CRY1: variants seen among roughly 807,000 people sequenced by gnomAD.
CRY1 encodes the protein cryptochrome-1.
In CRY1, 45 loss-of-function variants were observed where a neutral mutation model predicts 76.0. The ratio of observed to expected loss-of-function variants is 0.59; its 90% CI spans 0.47 to 0.76. CRY1 has a LOEUF of 0.76. Among genes scored for constraint, CRY1 ranks in the 30% least tolerant of loss-of-function variants. CRY1 has a pLI of 0.00. For synonymous variants in CRY1, 248 were observed against 244.0 expected, an observed-to-expected ratio of 1.02 and a Z score of -0.15; for missense variants, 587 against 716.4, an observed-to-expected ratio of 0.82 and a Z score of 2.06.
chr12:106,993,247 A>C (rs3741890), intron 10 of CRY1, among the ~76,000 whole-genome samples: 83,211 of 151,618 alleles, frequency 0.55, 23,167 homozygotes, highest in East Asian at 0.73. Context: ...AGCTCAAAGG[A>C]AAAATCATTG....
Position 107,037,403 on chromosome 12 carries a change from G to A in CRY1, c.159-15211C>T, listed in dbSNP as rs373819878. 6.8e-4 allele frequency among the ~76,000 whole-genome samples: 103 copies of A among 152,104 alleles called. 1 individual carries two copies. Among genetic ancestry groups the A allele is most frequent in the African/African-American group, 2.4e-3 (98 of 41,508 alleles). On this transcript the variant is annotated intron_variant, in intron 1 of 12. Transcript: ENST00000008527. ...AAAAATTAGCCAGGCGTGGTGGTGC[G>A]CGCCTATAATCCCAACTACTCGGGA...
intron 1 of CRY1, among the ~76,000 whole-genome samples, chr12:107,076,080 G>A (rs777959717): frequency 1.1e-4 from 17 of 151,720 alleles, no homozygotes; most frequent in Admixed American, 3.3e-4. Context: ...CAAGATAGAG[G>A]CCAGTGCAGG....
chr12:107,010,212 C>A (rs1380437781), intron 2 of CRY1, among the ~76,000 whole-genome samples: 1 of 152,076 alleles, frequency 6.6e-6, no homozygotes, highest in Non-Finnish European at 1.5e-5. Context: ...TCTGGAGAAT[C>A]TCTAGTGATG....
chr12:107,046,918 T>G (rs565369340), intron 1 of CRY1, among the ~76,000 whole-genome samples: 13 of 152,298 alleles, frequency 8.5e-5, no homozygotes, highest in African/African-American at 3.1e-4. Flanking sequence ...TAGATTCCAT[T>G]ACAATAATAG....
At chr12:107,054,689 C>T (rs1019303862) in intron 1 of CRY1, among the ~76,000 whole-genome samples, 2 of 141,600 alleles carry the variant, frequency 1.4e-5, no homozygotes, top group Admixed American at 7.0e-5. Flanking sequence ...TGACTATAAA[C>T]ATACCAAAGA....
intron 2 of CRY1, among the ~76,000 whole-genome samples, chr12:107,015,551 T>C (rs1952490175): frequency 6.6e-6 from 1 of 152,182 alleles, no homozygotes; most frequent in Non-Finnish European, 1.5e-5. Flanking sequence ...CAGCATGTTG[T>C]CCAGGCTTAT....
intron 1 of CRY1, among the ~76,000 whole-genome samples, chr12:107,038,653 C>T (rs190701042): frequency 2.8e-4 from 42 of 152,262 alleles, no homozygotes; most frequent in Non-Finnish European, 3.7e-4. Context: ...GAAATAAGAA[C>T]GATGTCAGTG....
chr12:107,069,619 A>ATATATATAAAG (rs1565842778), intron 1 of CRY1, among the ~76,000 whole-genome samples: 13 of 88,256 alleles, frequency 1.5e-4, no homozygotes, highest in African/African-American at 8.3e-4. Flanking sequence ...TATAAAAAGT[A>ATATATATAAAG]TATATATATA....
intron 1 of CRY1, among the ~76,000 whole-genome samples, chr12:107,061,424 G>C (rs1398888400): frequency 6.6e-6 from 1 of 151,162 alleles, no homozygotes; most frequent in Non-Finnish European, 1.5e-5. Context: ...CCAGGCTAGA[G>C]TACAGAGTTC....
At position 107,042,467 on chromosome 12, in the gene CRY1, T is replaced by TA. The variant is rs533812717; in HGVS notation, c.159-20276dup. ...TACCGATACCACATATCCCCTGATATAAAAAAAAGGCACATCACTTCTGTG... is the reference window on the plus strand; with the variant it reads ...TACCGATACCACATATCCCCTGATATAAAAAAAAAGGCACATCACTTCTGTG... On this transcript the variant is annotated intron_variant, in intron 1 of 12. Transcript: ENST00000008527. Among the ~76,000 whole-genome samples the TA allele has an allele frequency of 1.3e-3, 197 of 151,984 alleles. 1 individual carries two copies. The highest frequency in any genetic ancestry group is 3.3e-3 in the African/African-American group (138 of 41,452).
intron 1 of CRY1, among the ~76,000 whole-genome samples, chr12:107,035,150 T>C (rs1294098734): frequency 6.6e-6 from 1 of 152,256 alleles, no homozygotes; most frequent in Non-Finnish European, 1.5e-5. Flanking sequence ...TTCAAATTTC[T>C]GTCCTTCAAA....
chr12:107,076,631 A>G (rs1054373039), intron 1 of CRY1, among the ~76,000 whole-genome samples: 4 of 151,958 alleles, frequency 2.6e-5, no homozygotes. Context: ...AAAAAAAAAA[A>G]AAAACCTCTC....
chr12:107,009,563 CATATATATAT>C lies in CRY1; in HGVS notation c.268-4325_268-4316del, dbSNP rs869185018. ...CAGAAAAAACAAAAAAACAAAAAAA[CATATATATAT>C]ATATATATATATATATATATATATA... On this transcript the variant is annotated intron_variant, in intron 2 of 12. Transcript: ENST00000008527. 1.9e-3 allele frequency among the ~76,000 whole-genome samples: 170 copies of C among 90,962 alleles called. 4 individuals carry two copies. Among genetic ancestry groups the C allele is most frequent in the Non-Finnish European group, 2.4e-3 (115 of 48,264 alleles). The allele number at this position is 90,962 out of a possible 152,430, so 59.7% of individuals were successfully genotyped here.
chr12:107,026,486 A>G (rs1952617249), intron 1 of CRY1, among the ~76,000 whole-genome samples: 1 of 152,054 alleles, frequency 6.6e-6, no homozygotes, highest in Admixed American at 6.6e-5. Flanking sequence ...CACCTGCCTC[A>G]GCCTCCCCAA....
intron 1 of CRY1, among the ~76,000 whole-genome samples, chr12:107,030,974 T>C (rs1413993080): frequency 6.6e-6 from 1 of 152,180 alleles, no homozygotes; most frequent in African/African-American, 2.4e-5. Flanking sequence ...CTTTCTATAC[T>C]AAGTTGTATA....
intron 1 of CRY1, among the ~76,000 whole-genome samples, chr12:107,084,271 A>G (rs1953365813): frequency 6.6e-6 from 1 of 152,208 alleles, no homozygotes; most frequent in African/African-American, 2.4e-5. Context: ...TAATTAATAG[A>G]TTCAATGCTA....
chr12:107,087,713 A>C (rs1366133012), intron 1 of CRY1, among the ~76,000 whole-genome samples: 1 of 152,224 alleles, frequency 6.6e-6, no homozygotes, highest in African/African-American at 2.4e-5. Context: ...GAAACTAGTT[A>C]AGATTTCTGG....
intron 7 of CRY1, among the ~76,000 whole-genome samples, chr12:106,998,857 A>G (rs143799912): frequency 0.012 from 1,881 of 152,060 alleles, 31 homozygotes; most frequent in African/African-American, 0.043. Context: ...AGCCTGGGCA[A>G]TATGGTAAAA....
intron 1 of CRY1, among the ~76,000 whole-genome samples, chr12:107,026,596 T>G (rs927257318): frequency 1.3e-5 from 2 of 152,128 alleles, no homozygotes; most frequent in African/African-American, 4.8e-5. Context: ...TCTCATTATG[T>G]GCCTTGTATA....
Sources: allele counts gnomAD v4.1 joint callset (sites outside exome capture counted in the v4.1 genomes callset), GRCh38; gene constraint gnomAD v4.1.1; transcripts MANE v1.5; gene names NCBI Gene and HGNC (gene_info 2026-07-23, HGNC 2026-07-21).